FOCAD: variants seen among roughly 807,000 people sequenced by gnomAD.
FOCAD encodes KIAA1797.
Under a neutral mutation model 225.6 loss-of-function variants are expected in FOCAD, and 198 were observed. The observed-to-expected ratio is 0.88, with a 90% confidence interval of 0.78 to 0.99. The LOEUF (loss-of-function observed/expected upper bound fraction) is 0.99. Ranked by LOEUF, FOCAD falls within the 50% of genes least tolerant of loss-of-function variation. The pLI is 0.00. For missense variants in FOCAD, 2,713 were observed against 2,123.6 expected (o/e 1.28, Z -5.46); for synonymous variants, 897 against 755.0 (o/e 1.19, Z -3.08).
intron 8 of FOCAD, among the ~76,000 whole-genome samples, chr9:20,772,061 G>A (rs965085243): frequency 1.3e-5 from 2 of 152,214 alleles, no homozygotes; most frequent in African/African-American, 2.4e-5. Context: ...CATAGTGAGG[G>A]CCTAATGAGG....
chr9:20,797,754 G>A (rs903813225), intron 11 of FOCAD, among the ~76,000 whole-genome samples: 11 of 152,110 alleles, frequency 7.2e-5, no homozygotes, highest in African/African-American at 1.7e-4. Flanking sequence ...GGGCTGAGAC[G>A]ATGGGGTTTT....
chr9:20,753,643 C>T (rs140701265), intron 5 of FOCAD, among the ~76,000 whole-genome samples: 3 of 151,900 alleles, frequency 2.0e-5, no homozygotes, highest in African/African-American at 4.8e-5. Flanking sequence ...TGTCTCTGCC[C>T]GGCTTTGGTA....
chr9:20,986,315 A>G lies in FOCAD; in HGVS notation c.4756A>G (p.Lys1586Glu). ...KSNIEKAAFV[K>E]LYLVSQGRFP... Reference sequence around the variant, plus strand: ...CAACATAGAAAAAGCTGCCTTTGTCAAACTGTACTTAGTCTCTCAAGGACG... The same window carrying G: ...CAACATAGAAAAAGCTGCCTTTGTCGAACTGTACTTAGTCTCTCAAGGACG... The change falls in exon 40 of 44, where the codon AAA becomes GAA. Residue 1586 changes from lysine to glutamate, a missense_variant. Physicochemically the swap from Lys to Glu is moderately conservative, Grantham distance 56 (BLOSUM62 1). Transcript: ENST00000338382. The G allele has an allele frequency of 3.4e-6, 5 of 1,491,240 alleles. No individual in the cohort carries two copies. Among genetic ancestry groups the G allele is most frequent in the Non-Finnish European group, 4.5e-6 (5 of 1,120,354 alleles). 92.4% of individuals were successfully genotyped at this position (1,491,240 alleles called of 1,614,324 possible).
intron 15 of FOCAD, among the ~76,000 whole-genome samples, chr9:20,842,957 G>A (rs576738361): frequency 6.6e-6 from 1 of 151,678 alleles, no homozygotes; most frequent in Non-Finnish European, 1.5e-5. Context: ...AAACTGATGA[G>A]AACCTAACTC....
At chr9:20,872,321 AT>A (rs1264954462) in intron 18 of FOCAD, among the ~76,000 whole-genome samples, 1 of 152,152 alleles carries the variant, frequency 6.6e-6, no homozygotes, top group Admixed American at 6.6e-5. Flanking sequence ...GTATTAAGTA[AT>A]TAGGTTGACT....
At chr9:20,761,452 A>C (rs1829587667) in intron 6 of FOCAD, among the ~76,000 whole-genome samples, 1 of 150,636 alleles carries the variant, frequency 6.6e-6, no homozygotes, top group Admixed American at 6.6e-5. Context: ...GCAGAGTCTC[A>C]CTCTGTTGCC....
chr9:20,843,862 C>G (rs1480606073), intron 15 of FOCAD, among the ~76,000 whole-genome samples: 5 of 152,020 alleles, frequency 3.3e-5, no homozygotes, highest in African/African-American at 9.7e-5. Flanking sequence ...GTTGGAGAGA[C>G]AGTATTTAGC....
chr9:20,982,063 C>G (rs759896170), intron 38 of FOCAD, among the ~76,000 whole-genome samples: 58 of 152,070 alleles, frequency 3.8e-4, no homozygotes, highest in Non-Finnish European at 7.9e-4. Context: ...CCCTTCCCTC[C>G]CCCAAAAGAC....
rs7024429 is a variant in FOCAD, at chr9:20,806,156, T to C, written c.1456-13640T>C. On this transcript the variant is annotated intron_variant, in intron 11 of 43. Coordinates refer to ENST00000338382, the MANE Select transcript of FOCAD (RefSeq NM_001375567.1). ...CCATTTAGTGTGTACCAAATATTGC[T>C]TTATTTTTCAAGGTAGTCCAAGATT... Among the ~76,000 whole-genome samples the C allele has an allele frequency of 3.6e-3, 543 of 152,342 alleles. 3 individuals are homozygous for C. The highest frequency in any genetic ancestry group is 0.013 in the African/African-American group (526 of 41,590).
intron 37 of FOCAD, among the ~76,000 whole-genome samples, chr9:20,980,882 A>G (rs984908892): frequency 3.3e-5 from 5 of 152,176 alleles, no homozygotes; most frequent in African/African-American, 7.2e-5. Context: ...CATGAACTCT[A>G]AGGTGCCTGG....
chr9:20,893,819 C>A (rs999149141), intron 21 of FOCAD, among the ~76,000 whole-genome samples: 1 of 152,058 alleles, frequency 6.6e-6, no homozygotes, highest in Non-Finnish European at 1.5e-5. Flanking sequence ...TTCCCATTAT[C>A]CCCCACCAGA....
chr9:20,810,023 C>A (rs1822881819), intron 11 of FOCAD, among the ~76,000 whole-genome samples: 1 of 152,108 alleles, frequency 6.6e-6, no homozygotes, highest in South Asian at 2.1e-4. Context: ...TCTAAAAGAA[C>A]TCACAAGACT....
intron 15 of FOCAD, among the ~76,000 whole-genome samples, chr9:20,832,990 C>G (rs539272351): frequency 1.3e-5 from 2 of 152,122 alleles, no homozygotes; most frequent in Admixed American, 1.3e-4. Context: ...AATGTCTTTA[C>G]AAAGTTGCAT....
chr9:20,859,147 G>T (rs1411744471), intron 15 of FOCAD, among the ~76,000 whole-genome samples: 1 of 152,034 alleles, frequency 6.6e-6, no homozygotes, highest in African/African-American at 2.4e-5. Context: ...GGCCGACGTG[G>T]GTGGGTCACC....
intron 2 of FOCAD, among the ~76,000 whole-genome samples, chr9:20,660,631 T>C (rs1025696524): frequency 1.3e-5 from 2 of 152,088 alleles, no homozygotes; most frequent in Non-Finnish European, 2.9e-5. Flanking sequence ...GTTAGAATGA[T>C]GGAAGGAAGA....
At chr9:20,952,265 C>T (rs1251965571) in intron 34 of FOCAD, among the ~76,000 whole-genome samples, 2 of 152,036 alleles carry the variant, frequency 1.3e-5, no homozygotes, top group Non-Finnish European at 2.9e-5. Context: ...TCATCTTATA[C>T]CCAGGTTCTT....
intron 11 of FOCAD, among the ~76,000 whole-genome samples, chr9:20,790,050 A>G (rs1426732508): frequency 6.6e-6 from 1 of 152,180 alleles, no homozygotes; most frequent in East Asian, 1.9e-4. Context: ...GTTTGATACT[A>G]TCTTTATTGA....
intron 15 of FOCAD, among the ~76,000 whole-genome samples, chr9:20,860,531 GT>G (rs1828671403): frequency 6.6e-6 from 1 of 152,030 alleles, no homozygotes; most frequent in African/African-American, 2.4e-5. Context: ...GTTTTGTTTT[GT>G]TTTTGTTGTT....
upstream of FOCAD, among the ~76,000 whole-genome samples, chr9:20,680,464 A>G (rs1822368626): frequency 6.6e-6 from 1 of 152,186 alleles, no homozygotes; most frequent in African/African-American, 2.4e-5. Context: ...AGGCTGAGGC[A>G]GGAGAATTGC....
Sources: allele counts gnomAD v4.1 joint callset (sites outside exome capture counted in the v4.1 genomes callset), GRCh38; gene constraint gnomAD v4.1.1; transcripts MANE v1.5; gene names NCBI Gene and HGNC (gene_info 2026-07-23, HGNC 2026-07-21).